SCLT1: variants seen among roughly 807,000 people sequenced by gnomAD.
The protein encoded by SCLT1 is sodium channel-associated protein 1.
A neutral mutation model predicts 112.8 loss-of-function variants in SCLT1; 78 were observed. The ratio of observed to expected loss-of-function variants is 0.69; its 90% CI spans 0.58 to 0.83. The LOEUF (loss-of-function observed/expected upper bound fraction) is 0.83. Ranked by LOEUF, SCLT1 falls within the 40% of genes least tolerant of loss-of-function variation. SCLT1 has a pLI of 0.00. For missense variants in SCLT1, 747 were observed against 770.4 expected (o/e 0.97, Z 0.36); for synonymous variants, 257 against 254.7 (o/e 1.01, Z -0.09).
chr4:128,920,442 C>T (rs1735794322), intron 18 of SCLT1, among the ~76,000 whole-genome samples: 1 of 152,186 alleles, frequency 6.6e-6, no homozygotes, highest in Non-Finnish European at 1.5e-5. Context: ...CAGGCACACG[C>T]CACCACGCCC....
At chr4:129,040,116 G>A (rs1217221856) in intron 4 of SCLT1, 13 of 694,846 alleles carry the variant, frequency 1.9e-5, no homozygotes, top group Admixed American at 6.0e-5. Context: ...TCTTTCAACC[G>A]AGAAGATCAA....
intron 2 of SCLT1, among the ~76,000 whole-genome samples, chr4:129,049,370 A>G (rs901930670): frequency 1.3e-5 from 2 of 151,564 alleles, no homozygotes; most frequent in Non-Finnish European, 1.5e-5. Context: ...TCAGCAAACT[A>G]TCGCAAGGAC....
At chr4:129,034,977 C>T (rs1294176525) in intron 5 of SCLT1, among the ~76,000 whole-genome samples, 1 of 152,068 alleles carries the variant, frequency 6.6e-6, no homozygotes, top group Non-Finnish European at 1.5e-5. Context: ...ATAAAACACC[C>T]AACAAATAAG....
chr4:128,939,551 T>C (rs1579439438), intron 17 of SCLT1, among the ~76,000 whole-genome samples: 2 of 152,178 alleles, frequency 1.3e-5, no homozygotes, highest in East Asian at 3.9e-4. Context: ...TTCTTGCTTC[T>C]TCCTTCCTTT....
At chr4:129,038,132 TC>T (rs1317814832) in intron 5 of SCLT1, 1 of 152,026 alleles carries the variant, frequency 6.6e-6, no homozygotes, top group Non-Finnish European at 1.5e-5. Flanking sequence ...AGACTCTGTC[TC>T]AAAAAAAAAA....
At chr4:129,067,986 C>T (rs1231830451) in intron 2 of SCLT1, among the ~76,000 whole-genome samples, 1 of 152,060 alleles carries the variant, frequency 6.6e-6, no homozygotes, top group African/African-American at 2.4e-5. Flanking sequence ...CATCCCTCAC[C>T]TCCTTGCCAC....
chr4:128,986,145 T>G (rs71612199), intron 9 of SCLT1, among the ~76,000 whole-genome samples: 4,636 of 151,576 alleles, frequency 0.031, 92 homozygotes, highest in South Asian at 0.052. Flanking sequence ...CAGTGCAGAG[T>G]GGACAGATAA....
chr4:128,894,153 G>T (rs1733548148), intron 18 of SCLT1, among the ~76,000 whole-genome samples: 1 of 151,886 alleles, frequency 6.6e-6, no homozygotes. Flanking sequence ...TATTGCCCAG[G>T]TTGATCTAGA....
At chr4:129,027,942 T>C (rs1213429714) in intron 5 of SCLT1, among the ~76,000 whole-genome samples, 1 of 151,856 alleles carries the variant, frequency 6.6e-6, no homozygotes, top group Non-Finnish European at 1.5e-5. Context: ...TCAAAGAGAA[T>C]AAAATACCTA....
chr4:128,900,549 T>C (rs2125934254), intron 18 of SCLT1, among the ~76,000 whole-genome samples: 1 of 152,310 alleles, frequency 6.6e-6, no homozygotes, highest in South Asian at 2.1e-4. Flanking sequence ...AAGACTTAAA[T>C]GTTAGACCTA....
intron 5 of SCLT1, among the ~76,000 whole-genome samples, chr4:129,011,714 A>T (rs1242450464): frequency 6.6e-6 from 1 of 151,782 alleles, no homozygotes; most frequent in East Asian, 1.9e-4. Context: ...CAATTTCAGA[A>T]CTCATTACTG....
At chr4:128,954,429 C>T (rs1485872516) in intron 13 of SCLT1, among the ~76,000 whole-genome samples, 4 of 151,364 alleles carry the variant, frequency 2.6e-5, no homozygotes, top group Non-Finnish European at 5.9e-5. Context: ...CACCATTCTC[C>T]TGCCTCAGCC....
chr4:128,888,070 C>T (rs911549321), intron 20 of SCLT1, among the ~76,000 whole-genome samples: 6 of 152,140 alleles, frequency 3.9e-5, no homozygotes, highest in Non-Finnish European at 1.5e-5. Flanking sequence ...GCCCTAGCTA[C>T]ATACAGCTAT....
chr4:129,060,469 T>C (rs1036686891), intron 2 of SCLT1, among the ~76,000 whole-genome samples: 3 of 152,184 alleles, frequency 2.0e-5, no homozygotes, highest in African/African-American at 2.4e-5. Context: ...TCTTGTAGAA[T>C]AGTTTTCATA....
Position 128,946,131 on chromosome 4 carries a change from T to C in SCLT1, c.1315A>G (p.Asn439Asp). Residue 439 changes from asparagine (N) to aspartate (D), a missense_variant, in exon 16 of 21, where the codon AAT becomes GAT. Physicochemically the swap from Asn to Asp is conservative, Grantham distance 23. Transcript: ENST00000281142. ...LEKIYREGRG[N>D]ESDYRKLEEM... ...TCCAGTTTTCTGTAATCACTCTCAT[T>C]TCCTCTGCCTTCACGGTAAATCTGC... is the stretch of plus-strand genomic sequence containing the variant. The C allele has an allele frequency of 6.2e-7, 1 of 1,605,336 alleles. No individual in the cohort carries two copies. The highest frequency in any genetic ancestry group is 8.5e-7 in the Non-Finnish European group (1 of 1,172,590).
intron 18 of SCLT1, among the ~76,000 whole-genome samples, chr4:128,900,027 G>T (rs1168859981): frequency 6.6e-6 from 1 of 152,104 alleles, no homozygotes; most frequent in African/African-American, 2.4e-5. Flanking sequence ...AATAAAAGAG[G>T]ATACAAACAA....
At chr4:128,986,733 T>C (rs1187645296) in intron 9 of SCLT1, among the ~76,000 whole-genome samples, 3 of 152,202 alleles carry the variant, frequency 2.0e-5, no homozygotes, top group Admixed American at 1.3e-4. Flanking sequence ...ACTCCTCTGA[T>C]GGGATGGACC....
chr4:128,929,467 A>G (rs916570527), intron 18 of SCLT1, among the ~76,000 whole-genome samples: 1 of 152,236 alleles, frequency 6.6e-6, no homozygotes, highest in Non-Finnish European at 1.5e-5. Flanking sequence ...CAATTCTAAT[A>G]TGAATACAGA....
At chr4:128,936,907 G>T in intron 17 of SCLT1, 56 bp from the exon 18 acceptor site, 4 of 728,106 alleles carry the variant, frequency 5.5e-6, no homozygotes, top group South Asian at 5.6e-5. Flanking sequence ...GTGCTATACA[G>T]ATCAATGATA....
Sources: gnomAD v4.1 joint callset for allele counts (sites outside exome capture counted in the v4.1 genomes callset) on GRCh38, gnomAD v4.1.1 for gene constraint, MANE v1.5 for transcripts, NCBI Gene and HGNC (gene_info 2026-07-23, HGNC 2026-07-21) for gene names.